ASIC2: variants seen among roughly 807,000 people sequenced by gnomAD.
The protein encoded by ASIC2 is acid sensing ion channel subunit 2, also known as acid-sensing ion channel 2.
A neutral mutation model predicts 57.3 loss-of-function variants in ASIC2; 25 were observed. The ratio of observed to expected loss-of-function variants is 0.44; its 90% CI spans 0.32 to 0.61. The LOEUF is 0.61. Among genes scored for constraint, ASIC2 ranks in the 20% least tolerant of loss-of-function variants. The probability of loss-of-function intolerance (pLI) is 0.06; values close to 1 mark genes in which losing one functional copy is unlikely to be tolerated. For synonymous variants in ASIC2, 319 were observed against 307.5 expected, an observed-to-expected ratio of 1.04 and a Z score of -0.39; for missense variants, 641 against 738.1, an observed-to-expected ratio of 0.87 and a Z score of 1.52.
At chr17:33,355,058 T>A (rs1428368976) in intron 1 of ASIC2, among the ~76,000 whole-genome samples, 1 of 152,190 alleles carries the variant, frequency 6.6e-6, no homozygotes, top group African/African-American at 2.4e-5. Context: ...AGTGTGGGTA[T>A]GTGTATATTC....
At chr17:33,341,314 A>G (rs549970363) in intron 1 of ASIC2, among the ~76,000 whole-genome samples, 1 of 152,332 alleles carries the variant, frequency 6.6e-6, no homozygotes, top group South Asian at 2.1e-4. Flanking sequence ...AGGACCAACC[A>G]TGGAGAAACT....
rs150843257 is a variant in ASIC2, at chr17:33,334,602, C to T, written c.556-222535G>A. 6.1e-3 allele frequency among the ~76,000 whole-genome samples: 932 copies of T among 152,272 alleles called. 9 individuals carry two copies. The highest frequency in any genetic ancestry group is 0.02 in the African/African-American group (849 of 41,568). On this transcript the variant is annotated intron_variant, in intron 1 of 9. Transcript: ENST00000359872. ...TGAGAGGAAGTTTAACCAAAGAGGGCATTCTTACAGAAAGGGAGTATCTTT... is the reference window on the plus strand; with the variant it reads ...TGAGAGGAAGTTTAACCAAAGAGGGTATTCTTACAGAAAGGGAGTATCTTT...
intron 1 of ASIC2, among the ~76,000 whole-genome samples, chr17:33,717,768 T>C (rs1373001572): frequency 6.6e-6 from 1 of 152,166 alleles, no homozygotes; most frequent in Non-Finnish European, 1.5e-5. Context: ...CTCAGGGGCC[T>C]CCTCTCTAGG....
chr17:33,166,853 G>T (rs1012588746), intron 1 of ASIC2, among the ~76,000 whole-genome samples: 2 of 152,208 alleles, frequency 1.3e-5, no homozygotes, highest in African/African-American at 2.4e-5. Flanking sequence ...TAAAGCTTTA[G>T]CAAGACAATG....
At chr17:33,341,435 T>C (rs1290510854) in intron 1 of ASIC2, among the ~76,000 whole-genome samples, 1 of 152,200 alleles carries the variant, frequency 6.6e-6, no homozygotes, top group Non-Finnish European at 1.5e-5. Context: ...GTGACTGTTT[T>C]TGTAAATAAC....
chr17:33,155,564 C>CTTTTTT (rs558082080), intron 1 of ASIC2, among the ~76,000 whole-genome samples: 4 of 130,804 alleles, frequency 3.1e-5, no homozygotes, highest in Admixed American at 7.9e-5. Flanking sequence ...TTCTTTCTTT[C>CTTTTTT]TTTTTTTTTT....
intron 1 of ASIC2, among the ~76,000 whole-genome samples, chr17:33,378,283 A>G (rs1597705608): frequency 6.6e-6 from 1 of 152,328 alleles, no homozygotes; most frequent in South Asian, 2.1e-4. Flanking sequence ...CTAGCTAAAC[A>G]TTGTGGCCAC....
intron 1 of ASIC2, among the ~76,000 whole-genome samples, chr17:33,186,891 T>C (rs1906217963): frequency 6.6e-6 from 1 of 152,216 alleles, no homozygotes; most frequent in Admixed American, 6.5e-5. Context: ...TTGTCTACTC[T>C]TTTTCTATGC....
chr17:33,549,226 C>T (rs538305313), intron 1 of ASIC2, among the ~76,000 whole-genome samples: 18 of 152,202 alleles, frequency 1.2e-4, no homozygotes, highest in African/African-American at 3.4e-4. Context: ...CCTTTTAGCG[C>T]GAACACTTTA....
Position 33,542,216 on chromosome 17 carries a change from G to A in ASIC2, c.556-430149C>T, listed in dbSNP as rs560759777. Among the ~76,000 whole-genome samples, 16 of 152,080 alleles carry A rather than the reference G, an allele frequency of 1.1e-4. No homozygotes were observed. In the South Asian group the frequency reaches 2.3e-3, roughly 22 times the overall value. ...TGCCGCAATAAACATACGTGTGCAC[G>A]TGTCTTTATAGCAGCATGATTTATA... On this transcript the variant is annotated intron_variant, in intron 1 of 9. Coordinates refer to the ASIC2 transcript ENST00000359872.
chr17:33,471,236 T>C (rs1423637422), intron 1 of ASIC2, among the ~76,000 whole-genome samples: 2 of 152,194 alleles, frequency 1.3e-5, no homozygotes, highest in Non-Finnish European at 2.9e-5. Context: ...GTGAGAGAAC[T>C]CTTCTAAGAC....
At chr17:33,490,739 T>C (rs1316873903) in intron 1 of ASIC2, among the ~76,000 whole-genome samples, 1 of 152,178 alleles carries the variant, frequency 6.6e-6, no homozygotes, top group Non-Finnish European at 1.5e-5. Context: ...CAGTCTTGGG[T>C]ATGTCTTTAT....
intron 1 of ASIC2, among the ~76,000 whole-genome samples, chr17:33,356,732 G>A (rs552980499): frequency 1.3e-5 from 2 of 152,250 alleles, no homozygotes; most frequent in African/African-American, 2.4e-5. Context: ...CCTCAGTCCC[G>A]AGGAGCATGA....
chr17:33,529,074 G>C (rs993063420), intron 1 of ASIC2, among the ~76,000 whole-genome samples: 1 of 152,242 alleles, frequency 6.6e-6, no homozygotes, highest in South Asian at 2.1e-4. Flanking sequence ...TTGGCCAAAT[G>C]AGTCAGCTTC....
intron 1 of ASIC2, among the ~76,000 whole-genome samples, chr17:33,200,126 T>C (rs1489251459): frequency 6.6e-6 from 1 of 152,198 alleles, no homozygotes; most frequent in Admixed American, 6.5e-5. Context: ...CTAGAAGGAC[T>C]TCAGTGTTAG....
chr17:33,882,524 T>C (rs984367469), intron 1 of ASIC2, among the ~76,000 whole-genome samples: 1 of 152,216 alleles, frequency 6.6e-6, no homozygotes, highest in Non-Finnish European at 1.5e-5. Flanking sequence ...TCATCACCAC[T>C]GGCCATCAGA....
intron 1 of ASIC2, among the ~76,000 whole-genome samples, chr17:33,435,178 G>GA (rs1911564830): frequency 6.6e-6 from 1 of 152,090 alleles, no homozygotes; most frequent in Non-Finnish European, 1.5e-5. Context: ...TTGCTGAAAA[G>GA]GCCTAGAAAT....
chr17:33,918,964 C>G (rs1044335470), intron 1 of ASIC2, among the ~76,000 whole-genome samples: 3 of 152,096 alleles, frequency 2.0e-5, no homozygotes, highest in African/African-American at 7.2e-5. Context: ...GTCTCAGGGT[C>G]GTGATGGGCA....
chr17:33,159,016 T>C (rs1905089014), intron 1 of ASIC2, among the ~76,000 whole-genome samples: 1 of 152,176 alleles, frequency 6.6e-6, no homozygotes, highest in African/African-American at 2.4e-5. Flanking sequence ...TGAGCCCAGC[T>C]GAGAGTTTGA....
Sources: gnomAD v4.1 joint callset for allele counts (sites outside exome capture counted in the v4.1 genomes callset) on GRCh38, gnomAD v4.1.1 for gene constraint, MANE v1.5 for transcripts, NCBI Gene and HGNC (gene_info 2026-07-23, HGNC 2026-07-21) for gene names.